Variants in RORA observed in about 807,000 individuals in gnomAD.
The protein encoded by RORA is nuclear receptor ROR-alpha.
In RORA, 7 loss-of-function variants were observed where a neutral mutation model predicts 69.5. That is an observed-to-expected ratio of 0.10 (90% CI 0.06 to 0.19). The LOEUF (loss-of-function observed/expected upper bound fraction) is 0.19, where lower values mean the gene tolerates loss of function less well. Ranked by LOEUF, RORA falls within the 10% of genes least tolerant of loss-of-function variation. The pLI is 1.00. For missense variants in RORA, 457 were observed against 663.0 expected (o/e 0.69, Z 3.41); for synonymous variants, 261 against 240.8 (o/e 1.08, Z -0.78).
chr15:61,040,959 T>C (rs771122853), intron 1 of RORA: 4 of 152,216 alleles, frequency 2.6e-5, no homozygotes, highest in African/African-American at 7.2e-5. Context: ...AGCTATCATA[T>C]AGATTTTTCT....
At chr15:61,164,575 T>G (rs1324165775) in intron 1 of RORA, among the ~76,000 whole-genome samples, 2 of 152,202 alleles carry the variant, frequency 1.3e-5, no homozygotes, top group Non-Finnish European at 2.9e-5. Context: ...TTGTTCCTGT[T>G]GGGTAGATCA....
At chr15:60,618,819 G>A (rs2069325957) in intron 2 of RORA, among the ~76,000 whole-genome samples, 1 of 152,038 alleles carries the variant, frequency 6.6e-6, no homozygotes, top group Non-Finnish European at 1.5e-5. Flanking sequence ...TTCCTGCCTT[G>A]CCATTTCTCC....
At chr15:60,916,734 GA>G (rs1323539972) in intron 1 of RORA, among the ~76,000 whole-genome samples, 1 of 152,112 alleles carries the variant, frequency 6.6e-6, no homozygotes, top group African/African-American at 2.4e-5. Context: ...AGCCCCTCTT[GA>G]CCCCCAGGTG....
intron 2 of RORA, chr15:60,592,348 C>G (rs1303632117): frequency 2.2e-6 from 3 of 1,374,150 alleles, no homozygotes; most frequent in East Asian, 6.4e-5. Flanking sequence ...CCCCCGGAGC[C>G]GCCAGCCCAC....
intron 1 of RORA, among the ~76,000 whole-genome samples, chr15:61,074,585 A>G (rs952336841): frequency 5.9e-5 from 9 of 152,344 alleles, no homozygotes; most frequent in African/African-American, 2.2e-4. Context: ...AATAAGTCAT[A>G]TCTGTCAATG....
intron 1 of RORA, among the ~76,000 whole-genome samples, chr15:60,761,084 G>A (rs1366507135): frequency 6.6e-6 from 1 of 152,122 alleles, no homozygotes; most frequent in African/African-American, 2.4e-5. Flanking sequence ...CTAGCAAGAT[G>A]AGCAGGAAAG....
intron 1 of RORA, among the ~76,000 whole-genome samples, chr15:60,890,865 A>G (rs1006271108): frequency 6.6e-6 from 1 of 152,226 alleles, no homozygotes; most frequent in Non-Finnish European, 1.5e-5. Context: ...TACCAAGTTG[A>G]AACCAGAGCA....
At chr15:61,091,304 G>A (rs2140710185) in intron 1 of RORA, among the ~76,000 whole-genome samples, 1 of 152,292 alleles carries the variant, frequency 6.6e-6, no homozygotes, top group South Asian at 2.1e-4. Flanking sequence ...TCAATTAAAA[G>A]TGTGTGTTTA....
At chr15:60,577,435 G>C (rs1412386093) in intron 2 of RORA, among the ~76,000 whole-genome samples, 1 of 152,158 alleles carries the variant, frequency 6.6e-6, no homozygotes, top group African/African-American at 2.4e-5. Context: ...CCTGAGGTCA[G>C]GAGTTCGAGA....
chr15:61,060,476 A>G (rs1406094116), intron 1 of RORA, among the ~76,000 whole-genome samples: 1 of 152,112 alleles, frequency 6.6e-6, no homozygotes, highest in Admixed American at 6.5e-5. Context: ...ACCTCAGGGT[A>G]GGGGTCGGGG....
At chr15:61,059,477 G>A (rs964090143) in intron 1 of RORA, among the ~76,000 whole-genome samples, 3 of 152,182 alleles carry the variant, frequency 2.0e-5, no homozygotes, top group Non-Finnish European at 4.4e-5. Context: ...TTATTCAAAT[G>A]TACCTATTTA....
intron 1 of RORA, among the ~76,000 whole-genome samples, chr15:61,017,317 T>G (rs1162322120): frequency 3.9e-5 from 6 of 152,232 alleles, no homozygotes; most frequent in Non-Finnish European, 7.3e-5. Flanking sequence ...TGAAAGTGAT[T>G]GTTACATACA....
At chr15:61,120,527 G>A (rs549758426) in intron 1 of RORA, among the ~76,000 whole-genome samples, 10 of 151,816 alleles carry the variant, frequency 6.6e-5, no homozygotes, top group Admixed American at 3.3e-4. Context: ...ATGAAACCCC[G>A]TCTCTACTAA....
At chr15:61,153,775 T>TGG (rs368756325) in intron 1 of RORA, among the ~76,000 whole-genome samples, 3 of 34,164 alleles carry the variant, frequency 8.8e-5, no homozygotes, top group African/African-American at 2.7e-4. Context: ...CATGCACAAT[T>TGG]GCTAAGAACC....
rs921690878 is a variant in RORA at position 61,226,022 on chromosome 15, T to C, written c.166+3031A>G. ...GGACAGGGGAAGGTCGTCTTTCAGA[T>C]TATAAAGTCACACACCTGATTTTGT... On this transcript the variant is annotated intron_variant, in intron 1 of 10. Coordinates refer to ENST00000335670, the MANE Select transcript of RORA (RefSeq NM_134261.3). This position sits in a 1 kb window ranked among gnomAD's most constrained non-coding sequence, Gnocchi z 4.2. Among the ~76,000 whole-genome samples the C allele has an allele frequency of 1.3e-5, 2 of 152,178 alleles. No individual in the cohort carries two copies. Among genetic ancestry groups the C allele is most frequent in the African/African-American group, 4.8e-5 (2 of 41,452 alleles).
intron 1 of RORA, among the ~76,000 whole-genome samples, chr15:61,011,369 T>G (rs1595876615): frequency 6.6e-6 from 1 of 152,228 alleles, no homozygotes; most frequent in South Asian, 2.1e-4. Flanking sequence ...GAAGGAACTC[T>G]AATAATGATA....
chr15:60,674,245 A>C (rs557549885), intron 2 of RORA, among the ~76,000 whole-genome samples: 4 of 152,234 alleles, frequency 2.6e-5, no homozygotes, highest in Non-Finnish European at 5.9e-5. Flanking sequence ...GGTGAGCCCC[A>C]AGTTTGGGGT....
chr15:61,118,105 G>A (rs1449752639), intron 1 of RORA, among the ~76,000 whole-genome samples: 1 of 152,204 alleles, frequency 6.6e-6, no homozygotes, highest in Non-Finnish European at 1.5e-5. Context: ...AGCCCATAGT[G>A]TAGGGGAAGA....
At chr15:60,938,872 T>C (rs1176516006) in intron 1 of RORA, among the ~76,000 whole-genome samples, 2 of 152,248 alleles carry the variant, frequency 1.3e-5, no homozygotes, top group East Asian at 1.9e-4. Context: ...ACTGGAGATT[T>C]GTGTGTAAAC....
Sources: gnomAD v4.1 joint callset for allele counts (sites outside exome capture counted in the v4.1 genomes callset) on GRCh38, gnomAD v4.1.1 for gene constraint, Gnocchi (gnomAD v3.1) non-coding constraint, MANE v1.5 for transcripts, NCBI Gene and HGNC (gene_info 2026-07-23, HGNC 2026-07-21) for gene names.